The following MSRA variants were observed in gnomAD, a reference collection of about 807,000 sequenced individuals.
MSRA encodes the protein methionine sulfoxide reductase A.
MSRA carries 54 observed loss-of-function variants against 31.3 expected under a neutral mutation model. That is an observed-to-expected ratio of 1.73 (90% CI 1.39 to 2.17). MSRA has a LOEUF of 2.17. Ranked by LOEUF, MSRA falls within the 30% of genes most tolerant of loss-of-function variation. The pLI is 0.00. For missense variants in MSRA, 507 were observed against 300.9 expected, an observed-to-expected ratio of 1.69 and a Z score of -5.07; for synonymous variants, 169 against 116.5, an observed-to-expected ratio of 1.45 and a Z score of -2.90.
At chr8:10,426,375 A>G (rs1306153700) in intron 5 of MSRA, among the ~76,000 whole-genome samples, 1 of 152,192 alleles carries the variant, frequency 6.6e-6, no homozygotes, top group African/African-American at 2.4e-5. Flanking sequence ...AAAGCACCCC[A>G]AGATTTCAGG....
At chr8:10,148,989 C>T (rs1803411577) in intron 1 of MSRA, among the ~76,000 whole-genome samples, 1 of 148,766 alleles carries the variant, frequency 6.7e-6, no homozygotes, top group Admixed American at 6.7e-5. Flanking sequence ...CATAGTGTCA[C>T]TCTGTCGCCC....
At position 10,163,557 on chromosome 8, in the gene MSRA, C is replaced by T. The variant is rs972270628; in HGVS notation, c.143-44276C>T. Among the ~76,000 whole-genome samples, 4 of 152,344 alleles carry T rather than the reference C, an allele frequency of 2.6e-5. 1 individual carries two copies. The highest frequency in any genetic ancestry group is 3.4e-3 in the Middle Eastern group (1 of 294). ...CCTTGTGCCTTCGTAGAGAAAAATTCCTGTTTCTGCCCCACGCTGGAAAGT... is the reference window on the plus strand; with the variant it reads ...CCTTGTGCCTTCGTAGAGAAAAATTTCTGTTTCTGCCCCACGCTGGAAAGT... On this transcript the variant is annotated intron_variant, in intron 1 of 5. Coordinates refer to ENST00000317173, the MANE Select transcript of MSRA (RefSeq NM_012331.5).
Position 10,332,427 on chromosome 8 carries a change from A to G in MSRA, c.543+12438A>G, listed in dbSNP as rs190067387. On this transcript the variant is annotated intron_variant, in intron 5 of 5. Transcript: ENST00000317173. ...TGGAAAAACCCTGAATAATTCATTG[A>G]CTTACCTTAGTCAAAAAGAAAAATC... Among the ~76,000 whole-genome samples the G allele has an allele frequency of 1.9e-3, 292 of 151,240 alleles. 2 individuals are homozygous for G. Among genetic ancestry groups the G allele is most frequent in the African/African-American group, 6.6e-3 (270 of 41,098 alleles).
At chr8:10,323,061 G>C (rs560923722) in intron 5 of MSRA, among the ~76,000 whole-genome samples, 22 of 139,368 alleles carry the variant, frequency 1.6e-4, no homozygotes, top group Middle Eastern at 8.4e-3. Context: ...CTAAACTCCA[G>C]CCTGGGCAAC....
intron 2 of MSRA, among the ~76,000 whole-genome samples, chr8:10,240,931 G>A (rs1042162449): frequency 2.0e-5 from 3 of 152,034 alleles, no homozygotes; most frequent in Non-Finnish European, 4.4e-5. Flanking sequence ...GGAGGGAGTT[G>A]GTGCAGCCTG....
intron 4 of MSRA, among the ~76,000 whole-genome samples, chr8:10,315,622 A>C (rs1241539618): frequency 1.3e-5 from 2 of 152,212 alleles, no homozygotes; most frequent in Non-Finnish European, 2.9e-5. Context: ...TCCATGATGG[A>C]CTAGCTTTGT....
At chr8:10,104,980 T>G (rs1349396855) in intron 1 of MSRA, among the ~76,000 whole-genome samples, 1 of 152,230 alleles carries the variant, frequency 6.6e-6, no homozygotes, top group Non-Finnish European at 1.5e-5. Flanking sequence ...CTTGTCAATC[T>G]CATGGGCAAG....
chr8:10,284,506 T>G (rs1394434205), intron 3 of MSRA, among the ~76,000 whole-genome samples: 2 of 152,204 alleles, frequency 1.3e-5, no homozygotes, highest in African/African-American at 4.8e-5. Flanking sequence ...GAATGAATCA[T>G]TTTTTGAAAA....
chr8:10,081,027 C>A (rs938325656), intron 1 of MSRA, among the ~76,000 whole-genome samples: 2 of 152,188 alleles, frequency 1.3e-5, no homozygotes, highest in Non-Finnish European at 1.5e-5. Flanking sequence ...TAGGGAGATG[C>A]CTGGGCAGGA....
chr8:10,061,656 T>C (rs928231783), intron 1 of MSRA, among the ~76,000 whole-genome samples: 27 of 151,944 alleles, frequency 1.8e-4, no homozygotes, highest in Middle Eastern at 3.4e-3. Flanking sequence ...GGGAAGAATA[T>C]GGTTAATGCC....
intron 5 of MSRA, among the ~76,000 whole-genome samples, chr8:10,342,016 T>TGTGAGGTCCTCAC (rs1323729342): frequency 6.6e-6 from 1 of 152,168 alleles, no homozygotes; most frequent in African/African-American, 2.4e-5. Context: ...GAAGCTTAAC[T>TGTGAGGTCCTCAC]GTGAGGTCCT....
chr8:10,400,181 C>G (rs888480407), intron 5 of MSRA, among the ~76,000 whole-genome samples: 1 of 151,886 alleles, frequency 6.6e-6, no homozygotes, highest in Non-Finnish European at 1.5e-5. Context: ...TACGTGATCA[C>G]TCTGGAGGAA....
chr8:10,126,391 G>T (rs1318996707), intron 1 of MSRA, among the ~76,000 whole-genome samples: 1 of 152,202 alleles, frequency 6.6e-6, no homozygotes, highest in Non-Finnish European at 1.5e-5. Context: ...CAGTTCCCAA[G>T]CTCTGTGGCA....
intron 1 of MSRA, among the ~76,000 whole-genome samples, chr8:10,059,380 C>A (rs937599301): frequency 1.3e-5 from 2 of 152,028 alleles, no homozygotes; most frequent in Admixed American, 6.6e-5. Flanking sequence ...AAACTGAGGC[C>A]CATAGATGTT....
intron 3 of MSRA, among the ~76,000 whole-genome samples, chr8:10,278,013 C>G (rs1355872483): frequency 6.6e-6 from 1 of 151,964 alleles, no homozygotes; most frequent in Non-Finnish European, 1.5e-5. Context: ...TCCATTTTTT[C>G]CCTTCATTTT....
At chr8:10,367,744 C>T (rs1387060860) in intron 5 of MSRA, among the ~76,000 whole-genome samples, 1 of 152,212 alleles carries the variant, frequency 6.6e-6, no homozygotes, top group African/African-American at 2.4e-5. Context: ...TGGCTGGACC[C>T]CACTGGTGTG....
At chr8:10,121,188 T>C (rs1801079403) in intron 1 of MSRA, among the ~76,000 whole-genome samples, 1 of 152,148 alleles carries the variant, frequency 6.6e-6, no homozygotes, top group African/African-American at 2.4e-5. Flanking sequence ...TGTACCTTGA[T>C]GGTTTCTCAA....
intron 1 of MSRA, among the ~76,000 whole-genome samples, chr8:10,077,976 C>T (rs538382473): frequency 6.6e-6 from 1 of 152,202 alleles, no homozygotes; most frequent in Non-Finnish European, 1.5e-5. Context: ...CTAATATTTT[C>T]AGTTTTGTGC....
chr8:10,216,415 A>T (rs1809992284), intron 2 of MSRA, among the ~76,000 whole-genome samples: 1 of 148,518 alleles, frequency 6.7e-6, no homozygotes, highest in Non-Finnish European at 1.5e-5. Context: ...AATTGTGGTA[A>T]CAGATACATA....
Sources: allele counts gnomAD v4.1 joint callset (sites outside exome capture counted in the v4.1 genomes callset), GRCh38; gene constraint gnomAD v4.1.1; transcripts MANE v1.5; gene names NCBI Gene and HGNC (gene_info 2026-07-23, HGNC 2026-07-21).